The following FHDC1 variants were observed in gnomAD, a reference collection of about 807,000 sequenced individuals.
The protein encoded by FHDC1 is FH2 domain-containing protein 1.
In FHDC1, 25 loss-of-function variants were observed where a neutral mutation model predicts 52.6. The observed-to-expected ratio is 0.48, with a 90% CI of 0.35 to 0.66. FHDC1 has a LOEUF of 0.66. Among genes scored for constraint, FHDC1 ranks in the 30% least tolerant of loss-of-function variants. The pLI is 0.01. For synonymous variants in FHDC1, 616 were observed against 581.5 expected, an observed-to-expected ratio of 1.06 and a Z score of -0.85; for missense variants, 1,459 against 1,452.8, an observed-to-expected ratio of 1.00 and a Z score of -0.07.
intron 4 of FHDC1, among the ~76,000 whole-genome samples, chr4:152,956,571 G>T (rs987373621): frequency 3.3e-5 from 5 of 152,154 alleles, no homozygotes; most frequent in African/African-American, 9.7e-5. Flanking sequence ...AAGGAAGACT[G>T]TTGAGGGCAA....
chr4:152,919,075 C>G, the FHDC1 span, among the ~76,000 whole-genome samples: 3 of 152,260 alleles, frequency 2.0e-5, no homozygotes, highest in Non-Finnish European at 4.4e-5. Context: ...ACGTAAAGGT[C>G]ACTCAATGTT....
Position 152,962,902 on chromosome 4 carries a change from CA to C in FHDC1, c.921+20del. 1 of 1,609,214 alleles carries C rather than the reference CA, an allele frequency of 6.2e-7. No homozygotes were observed. Among genetic ancestry groups the C allele is most frequent in the Non-Finnish European group, 8.5e-7 (1 of 1,177,616 alleles). On this transcript the variant is annotated intron_variant, in intron 7 of 11. Transcript: ENST00000511601. ...TGAATGCAGTAAGTAAAATCCAAAA[CA>C]ATTGTAATGTTATGTTTTCAACCTT...
chr4:152,938,636 C>T (rs1272301135), intron 1 of FHDC1, among the ~76,000 whole-genome samples: 2 of 152,196 alleles, frequency 1.3e-5, no homozygotes, highest in South Asian at 2.1e-4. Context: ...TCTCCAAACT[C>T]GGCTTGTTCT....
intron 9 of FHDC1, among the ~76,000 whole-genome samples, chr4:152,967,132 A>T (rs746912738): frequency 4.6e-5 from 7 of 151,802 alleles, no homozygotes; most frequent in Non-Finnish European, 8.8e-5. Flanking sequence ...AATAATAATA[A>T]TAATAAAAAT....
rs756388282 is a variant in FHDC1 at position 152,975,109 on chromosome 4, G to T, written c.1818G>T (p.Gly606=). The T allele has an allele frequency of 1.9e-6, 3 of 1,612,552 alleles. No individual in the cohort carries two copies. In the Admixed American group the frequency reaches 5.0e-5, roughly 27 times the overall value. ...SSFAHKPQAS[G]GQEEAPNPPS... ...TTGCACACAAACCTCAGGCCTCGGG[G>T]GGCCAGGAGGAGGCCCCCAACCCAC... Residue 606 remains glycine (G), a synonymous_variant, in exon 12 of 12, where the codon GGG becomes GGT. Transcript: ENST00000511601.
intron 10 of FHDC1, among the ~76,000 whole-genome samples, chr4:152,969,151 GTGT>G (rs958114295): frequency 6.6e-6 from 1 of 151,990 alleles, no homozygotes; most frequent in African/African-American, 2.4e-5. Flanking sequence ...GCTACCTGAA[GTGT>G]TGTTAGTGTT....
chr4:152,913,143 A>G, the FHDC1 span, among the ~76,000 whole-genome samples: 3 of 152,232 alleles, frequency 2.0e-5, no homozygotes, highest in Non-Finnish European at 4.4e-5. Flanking sequence ...TCAACCGCAT[A>G]ATTAAATCAA....
At chr4:152,947,219 A>G (rs1441524818) in intron 2 of FHDC1, among the ~76,000 whole-genome samples, 2 of 151,034 alleles carry the variant, frequency 1.3e-5, no homozygotes, top group African/African-American at 2.4e-5. Context: ...ACTGTCTCAA[A>G]AAAAAAAAAA....
In FHDC1 at chr4:152,946,343, C is replaced by T. The variant is rs555606609; in HGVS notation, c.498+2788C>T. Among the ~76,000 whole-genome samples, 13 of 152,212 alleles carry T rather than the reference C, an allele frequency of 8.5e-5. No homozygotes were observed. In the South Asian group the frequency reaches 2.7e-3, roughly 32 times the overall value. ...GTATGATAAATAGTTGAGAATGATC[C>T]CTTTAAGTGCATTAGGTAATGCTGT... On this transcript the variant is annotated intron_variant, in intron 2 of 11. Transcript: ENST00000511601.
chr4:152,956,390 G>C (rs561488911), intron 4 of FHDC1, among the ~76,000 whole-genome samples: 1 of 152,184 alleles, frequency 6.6e-6, no homozygotes, highest in Non-Finnish European at 1.5e-5. Context: ...TCAGCTTCAT[G>C]CAGTGGTGAG....
chr4:152,952,355 C>G (rs1419296192), intron 2 of FHDC1, among the ~76,000 whole-genome samples: 1 of 152,082 alleles, frequency 6.6e-6, no homozygotes, highest in African/African-American at 2.4e-5. Flanking sequence ...CCAAGACATC[C>G]ATTTCTAAAT....
At chr4:152,927,532 A>G in the FHDC1 span, 1 of 1,321,270 alleles carries the variant, frequency 7.6e-7, no homozygotes, top group South Asian at 1.2e-5. Flanking sequence ...AAAGGAGGCA[A>G]GAAGAATGGG....
chr4:152,959,982 T>G (rs1403234627), intron 4 of FHDC1, among the ~76,000 whole-genome samples: 1 of 152,214 alleles, frequency 6.6e-6, no homozygotes, highest in African/African-American at 2.4e-5. Flanking sequence ...GTCTTCCTGC[T>G]GAAGAGCAGA....
rs745658313 is a variant in FHDC1 at position 152,972,374 on chromosome 4, C to T, written c.1219-3C>T. The T allele has an allele frequency of 3.1e-6, 5 of 1,594,016 alleles. No individual in the cohort carries two copies. Among genetic ancestry groups the T allele is most frequent in the Non-Finnish European group, 3.4e-6 (4 of 1,174,628 alleles). On this transcript the variant is annotated splice_polypyrimidine_tract_variant and splice_region_variant and intron_variant, in intron 10 of 11. Transcript: ENST00000511601. Reference sequence around the variant, plus strand: ...CAGTGTGTGTTCGTTTGTTTTTCCGCAGTTTGCCATAGAAAAGCTGAGGGA... The same window carrying T: ...CAGTGTGTGTTCGTTTGTTTTTCCGTAGTTTGCCATAGAAAAGCTGAGGGA...
At chr4:152,923,213 A>C in the FHDC1 span, among the ~76,000 whole-genome samples, 1 of 152,044 alleles carries the variant, frequency 6.6e-6, no homozygotes, top group African/African-American at 2.4e-5. Context: ...ATACACCAAT[A>C]ACAGACAAAC....
Position 152,975,646 on chromosome 4 carries a change from C to T in FHDC1, c.2355C>T (p.Cys785=), listed in dbSNP as rs1026719424. ...CCGACTGCTCACTGACCCTGGACTG[C>T]TCAGAGGGAACCGACTCCAGACCCA... ...DTTDCSLTLD[C]SEGTDSRPRG... is the part of the protein sequence containing the mutation. Residue 785 remains cysteine (C), a synonymous_variant, in exon 12 of 12, where the codon TGC becomes TGT. Transcript: ENST00000511601. 6.2e-7 allele frequency: 1 copy of T among 1,613,552 alleles called. No homozygotes were observed. The highest frequency in any genetic ancestry group is 8.5e-7 in the Non-Finnish European group (1 of 1,180,024).
intron 10 of FHDC1, among the ~76,000 whole-genome samples, chr4:152,970,600 G>A (rs572294618): frequency 5.0e-4 from 76 of 152,172 alleles, no homozygotes; most frequent in Non-Finnish European, 9.1e-4. Flanking sequence ...GTTCTTGGCT[G>A]GAATCCATCT....
intron 6 of FHDC1, among the ~76,000 whole-genome samples, chr4:152,961,786 G>A (rs1740289393): frequency 6.6e-6 from 1 of 152,178 alleles, no homozygotes; most frequent in African/African-American, 2.4e-5. Context: ...TTAGAGAGGA[G>A]ACTAAGAAGG....
At chr4:152,913,941 A>T in the FHDC1 span, among the ~76,000 whole-genome samples, 4 of 152,186 alleles carry the variant, frequency 2.6e-5, no homozygotes, top group Non-Finnish European at 5.9e-5. Context: ...TCCACCTCCC[A>T]AAGTGCTGGG....
Sources: allele counts gnomAD v4.1 joint callset (sites outside exome capture counted in the v4.1 genomes callset), GRCh38; gene constraint gnomAD v4.1.1; transcripts MANE v1.5; gene names NCBI Gene and HGNC (gene_info 2026-07-23, HGNC 2026-07-21).